Variants in ITGA2 observed in about 807,000 individuals in gnomAD.
ITGA2 encodes the protein integrin subunit alpha 2.
A neutral mutation model predicts 146.3 loss-of-function variants in ITGA2; 101 were observed. The ratio of observed to expected loss-of-function variants is 0.69; its 90% CI spans 0.59 to 0.81. The LOEUF (loss-of-function observed/expected upper bound fraction) is 0.81, where lower values mean the gene tolerates loss of function less well. Ranked by LOEUF, ITGA2 falls within the 40% of genes least tolerant of loss-of-function variation. The pLI, the probability that ITGA2 is intolerant of heterozygous loss-of-function variation, is 0.00. For missense variants in ITGA2, 1,281 were observed against 1,402.7 expected (o/e 0.91, Z 1.39); for synonymous variants, 477 against 487.1 (o/e 0.98, Z 0.27).
chr5:53,086,979 G>A lies in ITGA2; in HGVS notation c.3286G>A (p.Ala1096Thr). 6.2e-7 allele frequency: 1 copy of A among 1,613,710 alleles called. No homozygotes were observed. Residue 1096 changes from alanine to threonine, a missense_variant, in exon 28 of 30, where the codon GCA becomes ACA. Around this residue, in one of 3 missense-constraint regions of ITGA2, gnomAD observed 475 missense variants for 530.5 expected, o/e 0.90. Transcript: ENST00000296585. ...SSTFQTVQLT[A>T]AAEINTYNPE... ...AACGTTCCAGACAGTACAGCTAACG[G>A]CAGCTGCAGAAATCAACACCTATAA...
chr5:53,037,124 A>G (rs2111863330), intron 2 of ITGA2, among the ~76,000 whole-genome samples: 1 of 152,292 alleles, frequency 6.6e-6, no homozygotes, highest in East Asian at 1.9e-4. Context: ...TACCTACACC[A>G]CCATAAATAC....
Position 53,090,765 on chromosome 5 carries a change from T to TGGGGTG in ITGA2, c.*170_*171insTGGGGG. ...AGGTCAGTTTGGAATGAAGAAATTG[T>TGGGGTG]GGGGGGTGGGGGAGGTGCGGGGGGC... On this transcript the variant is annotated 3_prime_UTR_variant, in exon 30 of 30. Coordinates refer to ENST00000296585, the MANE Select transcript of ITGA2 (RefSeq NM_002203.4). The TGGGGTG allele has an allele frequency of 1.3e-5, 1 of 78,910 alleles. No homozygotes were observed. Among genetic ancestry groups the TGGGGTG allele is most frequent in the Non-Finnish European group, 2.4e-5 (1 of 41,710 alleles). The allele number at this position is 78,910 out of a possible 1,614,324, so 4.9% of individuals were successfully genotyped here.
chr5:52,994,756 T>C (rs1172230266), intron 1 of ITGA2, among the ~76,000 whole-genome samples: 1 of 152,220 alleles, frequency 6.6e-6, no homozygotes, highest in Non-Finnish European at 1.5e-5. Flanking sequence ...CTTGGTTATA[T>C]CATTTTCTAT....
chr5:53,005,252 C>T lies in ITGA2; in HGVS notation c.64+15720C>T, dbSNP rs190735151. Among the ~76,000 whole-genome samples the T allele has an allele frequency of 2.0e-3, 306 of 152,010 alleles. 3 individuals carry two copies. Among genetic ancestry groups the T allele is most frequent in the African/African-American group, 7.0e-3 (292 of 41,470 alleles). ...CGTGTGTGTCAGCAAAATGCAGCAA[C>T]GTGTCATCCTCCTAACCATTAGACA... On this transcript the variant is annotated intron_variant, in intron 1 of 29. Transcript: ENST00000296585.
At chr5:53,042,059 T>G in intron 2 of ITGA2, 53 bp from the exon 3 acceptor site, 1 of 1,063,378 alleles carries the variant, frequency 9.4e-7, no homozygotes, top group Non-Finnish European at 1.5e-6. Flanking sequence ...CAGGTTTATC[T>G]TTAAGAAACT....
At chr5:52,993,230 G>A (rs957241879) in intron 1 of ITGA2, among the ~76,000 whole-genome samples, 2 of 152,056 alleles carry the variant, frequency 1.3e-5, no homozygotes, top group African/African-American at 4.8e-5. Context: ...CCCCTTAATG[G>A]GACTTAGGCC....
chr5:53,050,789 T>G (rs1744318880), intron 6 of ITGA2, among the ~76,000 whole-genome samples: 1 of 152,190 alleles, frequency 6.6e-6, no homozygotes, highest in African/African-American at 2.4e-5. Context: ...TAAGATGCTC[T>G]CCAGTGGCAT....
chr5:53,004,866 G>A (rs1438896451), intron 1 of ITGA2, among the ~76,000 whole-genome samples: 1 of 139,618 alleles, frequency 7.2e-6, no homozygotes, highest in Non-Finnish European at 1.5e-5. Flanking sequence ...TTTCCAAAAG[G>A]CCTACAACTT....
At chr5:53,021,460 C>A (rs1219135161) in intron 1 of ITGA2, among the ~76,000 whole-genome samples, 1 of 152,186 alleles carries the variant, frequency 6.6e-6, no homozygotes, top group Non-Finnish European at 1.5e-5. Flanking sequence ...ACTGTTTTCT[C>A]ATTCTTCCGG....
At chr5:53,090,494 C>T (rs1740358676) in intron 29 of ITGA2, 25 bp from the exon 30 acceptor site, 1 of 1,606,660 alleles carries the variant, frequency 6.2e-7, no homozygotes, top group South Asian at 1.1e-5. Context: ...CGGGTGGTAA[C>T]ATTCTTATAT....
At chr5:53,058,453 T>G (rs1744742952) in intron 10 of ITGA2, among the ~76,000 whole-genome samples, 1 of 151,922 alleles carries the variant, frequency 6.6e-6, no homozygotes, top group East Asian at 1.9e-4. Flanking sequence ...ACACGTACTC[T>G]TGTCATCACC....
At chr5:53,034,351 A>T (rs1743382638) in intron 2 of ITGA2, among the ~76,000 whole-genome samples, 1 of 151,954 alleles carries the variant, frequency 6.6e-6, no homozygotes, top group African/African-American at 2.4e-5. Flanking sequence ...CGGAGGTTGC[A>T]GTGAGCCAAG....
chr5:53,023,014 C>T (rs945846556), intron 1 of ITGA2, among the ~76,000 whole-genome samples: 75 of 152,162 alleles, frequency 4.9e-4, no homozygotes, highest in Admixed American at 1.7e-3. Flanking sequence ...GTGAGATTTA[C>T]TGGAATACTT....
chr5:52,992,139 G>A (rs1215253508), intron 1 of ITGA2, among the ~76,000 whole-genome samples: 1 of 151,770 alleles, frequency 6.6e-6, no homozygotes, highest in Non-Finnish European at 1.5e-5. Context: ...TTTTCTTATT[G>A]TAAAAAAAAT....
chr5:53,072,245 G>T (rs959503876), intron 18 of ITGA2, among the ~76,000 whole-genome samples, 197 bp downstream of exon 18: 1 of 151,874 alleles, frequency 6.6e-6, no homozygotes, highest in Non-Finnish European at 1.5e-5. Flanking sequence ...GTTCACTGCT[G>T]TGTTTCCACT....
chr5:53,019,399 C>G (rs184720251), intron 1 of ITGA2, among the ~76,000 whole-genome samples: 2 of 152,286 alleles, frequency 1.3e-5, no homozygotes, highest in African/African-American at 4.8e-5. Context: ...CTCACTCCAT[C>G]CTGCCCAGGA....
Position 53,048,776 on chromosome 5 carries a change from G to T in ITGA2, c.630+6G>T. 1 of 1,613,672 alleles carries T rather than the reference G, an allele frequency of 6.2e-7. No individual in the cohort carries two copies. Reference sequence around the variant, plus strand: ...TAGGCCCCACAAAGACACAGGTATGGCTAACAGAAATGCATAACTAACTTA... The same window carrying T: ...TAGGCCCCACAAAGACACAGGTATGTCTAACAGAAATGCATAACTAACTTA... On this transcript the variant is annotated splice_donor_region_variant and intron_variant, in intron 6 of 29. Coordinates refer to ENST00000296585, the MANE Select transcript of ITGA2 (RefSeq NM_002203.4).
At chr5:53,082,650 A>G (rs1745976679) in intron 26 of ITGA2, among the ~76,000 whole-genome samples, 1 of 152,212 alleles carries the variant, frequency 6.6e-6, no homozygotes, top group Admixed American at 6.5e-5. Flanking sequence ...ATTTGCCACA[A>G]TCGATGAAAC....
At chr5:52,994,062 A>C (rs1346944523) in intron 1 of ITGA2, among the ~76,000 whole-genome samples, 2 of 152,246 alleles carry the variant, frequency 1.3e-5, no homozygotes, top group Non-Finnish European at 2.9e-5. Context: ...TCTGTGTATG[A>C]CAGTGATTCC....
Sources: gnomAD v4.1 joint callset for allele counts (sites outside exome capture counted in the v4.1 genomes callset) on GRCh38, gnomAD v4.1.1 for gene constraint, gnomAD v4.1.1 regional missense constraint, MANE v1.5 for transcripts, NCBI Gene and HGNC (gene_info 2026-07-23, HGNC 2026-07-21) for gene names.